The following NACC2 variants were observed in gnomAD, a reference collection of about 807,000 sequenced individuals.
NACC2 encodes the protein NACC family member 2, also known as nucleus accumbens-associated protein 2.
NACC2 carries 8 observed loss-of-function variants against 25.1 expected under a neutral mutation model. The observed-to-expected ratio is 0.32, with a 90% CI of 0.19 to 0.57. NACC2 has a LOEUF of 0.57. NACC2 is among the 20% of genes least tolerant of loss of function. The probability of loss-of-function intolerance (pLI) is 0.89; values close to 1 mark genes in which losing one functional copy is unlikely to be tolerated. For missense variants in NACC2, 644 were observed against 650.2 expected, an observed-to-expected ratio of 0.99 and a Z score of 0.10; for synonymous variants, 435 against 294.7, an observed-to-expected ratio of 1.48 and a Z score of -4.88.
At chr9:136,031,993 G>A (rs1158585016) in intron 2 of NACC2, among the ~76,000 whole-genome samples, 1 of 150,496 alleles carries the variant, frequency 6.6e-6, no homozygotes, top group African/African-American at 2.5e-5. Context: ...AAATGAATGG[G>A]GGGCAAGGGT....
chr9:136,082,396 C>T (rs1830333327), intron 1 of NACC2, among the ~76,000 whole-genome samples: 1 of 152,226 alleles, frequency 6.6e-6, no homozygotes, highest in Non-Finnish European at 1.5e-5. Context: ...GTTCACCTGC[C>T]TCCCCACCAT....
At chr9:136,047,174 C>T (rs1840742622) in intron 2 of NACC2, among the ~76,000 whole-genome samples, 1 of 152,172 alleles carries the variant, frequency 6.6e-6, no homozygotes, top group African/African-American at 2.4e-5. Flanking sequence ...AGCAGCCAGC[C>T]TCCTGCGTGG....
intron 2 of NACC2, among the ~76,000 whole-genome samples, chr9:136,039,755 C>A (rs1203214962): frequency 1.2e-4 from 18 of 152,248 alleles, no homozygotes; most frequent in Admixed American, 1.1e-3. Flanking sequence ...GAAACTTCTA[C>A]AAACTGGTCA....
Position 136,017,830 on chromosome 9 carries a change from C to T in NACC2, c.887-1401G>A, listed in dbSNP as rs575414821. ...AGGGAATCAATCCCACTGCCCTGGG[C>T]TCCTGCACACCCTACCGAGCGCAAG... On this transcript the variant is annotated intron_variant, in intron 2 of 5. Transcript: ENST00000277554. 2.0e-5 allele frequency among the ~76,000 whole-genome samples: 3 copies of T among 152,302 alleles called. No homozygotes were observed. The South Asian group carries it at 6.2e-4, about 32-fold the overall frequency.
chr9:136,026,343 CAAAAAAAAAAAAA>C (rs34514433), intron 2 of NACC2, among the ~76,000 whole-genome samples: 87 of 45,538 alleles, frequency 1.9e-3, no homozygotes, highest in Middle Eastern at 0.013. Context: ...AACTCCATCT[CAAAAAAAAAAAAA>C]AAAAAAAAAA....
rs1840793429 is a variant in NACC2, at chr9:136,049,973, GGCCGGCGGCAGC to G, written c.537_548del (p.Glu179_Ala183delinsAsp). 6.3e-6 allele frequency: 4 copies of G among 632,242 alleles called. No individual in the cohort carries two copies. The highest frequency in any genetic ancestry group is 5.4e-5 in the Admixed American group (2 of 37,316). 39.2% of individuals were successfully genotyped at this position (632,242 alleles called of 1,614,324 possible). Reference sequence around the variant, plus strand: ...GGCGCTTGGGGGCCAGGCCTGGGCCGGCCGGCGGCAGCTCCATGGCTTCATGCTTTACTCGGG... The same window carrying G: ...GGCGCTTGGGGGCCAGGCCTGGGCCGTCCATGGCTTCATGCTTTACTCGGG... On this transcript the variant is annotated inframe_deletion, in exon 2 of 6. Transcript: ENST00000277554.
In NACC2 at chr9:136,013,248, G is replaced by A. The variant is rs111782876; in HGVS notation, c.1206C>T (p.Ser402=). The A allele has an allele frequency of 4.8e-3, 7,735 of 1,612,014 alleles. 221 individuals are homozygous for A. In the African/African-American group the frequency reaches 0.071, roughly 15 times the overall value. The part of the protein sequence containing the change: ...SCGTGIRSST[S]DPSRKPLDSR... ...TGTCCAGCGGCTTCCGGCTGGGGTC[G>A]CTGGTGGACGAGCGGATGCCAGTCC... The change falls in exon 5 of 6, where the codon AGC becomes AGT. Residue 402 remains serine, a synonymous_variant. Coordinates refer to ENST00000277554, the MANE Select transcript of NACC2 (RefSeq NM_144653.5). This position sits in a 1 kb window ranked among gnomAD's most constrained non-coding sequence, Gnocchi z 6.6.
At position 136,013,515 on chromosome 9, in the gene NACC2, G is replaced by T. The variant is rs1192659321; in HGVS notation, c.1158-219C>A. 1.3e-5 allele frequency among the ~76,000 whole-genome samples: 2 copies of T among 152,236 alleles called. No homozygotes were observed. Among genetic ancestry groups the T allele is most frequent in the African/African-American group, 4.8e-5 (2 of 41,458 alleles). The stretch of plus-strand genomic sequence containing the variant: ...AGATGACCGGGTGATGGGGCTGCAA[G>T]GTGACCTGAGCCTTGTCCTCAGGGA... On this transcript the variant is annotated intron_variant, in intron 4 of 5. Coordinates refer to ENST00000277554, the MANE Select transcript of NACC2 (RefSeq NM_144653.5). The surrounding 1 kb of genome is among the most constrained non-coding windows in gnomAD (Gnocchi z 6.6).
At chr9:136,062,014 G>A (rs1841017362) in intron 1 of NACC2, among the ~76,000 whole-genome samples, 1 of 152,058 alleles carries the variant, frequency 6.6e-6, no homozygotes. Flanking sequence ...CAGCTACTCA[G>A]GAGGCTGAGG....
At chr9:136,057,105 G>T (rs549425149) in intron 1 of NACC2, among the ~76,000 whole-genome samples, 1 of 152,178 alleles carries the variant, frequency 6.6e-6, no homozygotes, top group Non-Finnish European at 1.5e-5. Flanking sequence ...CAGGCTCTGC[G>T]TCCGATAGGG....
At chr9:136,030,727 T>G (rs1175961012) in intron 2 of NACC2, among the ~76,000 whole-genome samples, 1 of 152,144 alleles carries the variant, frequency 6.6e-6, no homozygotes, top group Non-Finnish European at 1.5e-5. Context: ...AGTGGTGTCA[T>G]CTCAGCTCAC....
At chr9:136,094,525 G>A (rs1312407602) in intron 1 of NACC2, among the ~76,000 whole-genome samples, 1 of 152,086 alleles carries the variant, frequency 6.6e-6, no homozygotes, top group East Asian at 1.9e-4. Context: ...GAAGGAGCTG[G>A]GGCCCCCCGA....
At position 136,055,645 on chromosome 9, in the gene NACC2, A is replaced by AAAATT. The variant is rs369756002; in HGVS notation, c.-59-5070_-59-5066dup. On this transcript the variant is annotated intron_variant, in intron 1 of 5. Transcript: ENST00000277554. The surrounding 1 kb of genome is among the most constrained non-coding windows in gnomAD (Gnocchi z 4.9). The stretch of plus-strand genomic sequence containing the variant: ...ACCAGCAAGGGGAAGGGAGGCGAGA[A>AAAATT]AAATTAAATTAAATTAAATTATCTT... 6.6e-6 allele frequency among the ~76,000 whole-genome samples: 1 copy of AAAATT among 152,232 alleles called. No homozygotes were observed. Among genetic ancestry groups the AAAATT allele is most frequent in the African/African-American group, 2.4e-5 (1 of 41,464 alleles).
chr9:136,049,992 G>A lies in NACC2; in HGVS notation c.530C>T (p.Ala177Val), dbSNP rs1187682044. Residue 177 changes from alanine (A) to valine (V), a missense_variant, in exon 2 of 6, where the codon GCC (alanine) becomes GTC (valine). Transcript: ENST00000277554. Reference protein sequence around the residue: ...IPLLTRVKHEAMELPPAGPGL... With the variant: ...IPLLTRVKHEVMELPPAGPGL... ...TGGGCCGGCCGGCGGCAGCTCCATG[G>A]CTTCATGCTTTACTCGGGTCAGCAG... 20 of 666,670 alleles carry A rather than the reference G, an allele frequency of 3.0e-5. No homozygotes were observed. The highest frequency in any genetic ancestry group is 1.4e-4 in the Admixed American group (6 of 44,030). The allele number at this position is 666,670 out of a possible 1,614,324, so 41.3% of individuals were successfully genotyped here.
intron 2 of NACC2, among the ~76,000 whole-genome samples, chr9:136,046,259 C>A (rs2131158847): frequency 6.6e-6 from 1 of 152,338 alleles, no homozygotes; most frequent in Admixed American, 6.5e-5. Flanking sequence ...AGGCCCCTGA[C>A]AACGCCAGGC....
intron 1 of NACC2, among the ~76,000 whole-genome samples, chr9:136,053,493 C>A (rs1464631380): frequency 6.6e-6 from 1 of 152,184 alleles, no homozygotes; most frequent in Admixed American, 6.5e-5. Flanking sequence ...GCCCAGCTGT[C>A]ACCCTCCCCG....
At chr9:136,042,701 CACAG>C (rs1840654483) in intron 2 of NACC2, among the ~76,000 whole-genome samples, 2 of 151,412 alleles carry the variant, frequency 1.3e-5, no homozygotes, top group Admixed American at 1.3e-4. Context: ...CAGACACACA[CACAG>C]ACACAGAGAC....
rs186356809 is a variant in NACC2, at chr9:136,058,560, A to C, written c.-59-7980T>G. ...GATACACACGGACATAAACATGGGA[A>C]TGACAGACTCTAGGAACAACAGGAT... On this transcript the variant is annotated intron_variant, in intron 1 of 5. Transcript: ENST00000277554. Among the ~76,000 whole-genome samples the C allele has an allele frequency of 7.4e-4, 113 of 152,284 alleles. 1 individual carries two copies. The highest frequency in any genetic ancestry group is 2.6e-3 in the African/African-American group (109 of 41,566).
Position 136,050,408 on chromosome 9 carries a change from G to A in NACC2, c.114C>T (p.Gly38=), listed in dbSNP as rs1282983291. ...LYCDVSIVVK[G]QAFKAHRAVL... is the part of the protein sequence containing the mutation. ...CCGCCCGGTGGGCCTTGAAGGCCTG[G>A]CCCTTGACCACGATGGACACATCGC... is the stretch of plus-strand genomic sequence containing the variant. Residue 38 remains glycine, a synonymous_variant, in exon 2 of 6, where the codon GGC becomes GGT. Coordinates refer to ENST00000277554, the MANE Select transcript of NACC2 (RefSeq NM_144653.5). The A allele has an allele frequency of 7.9e-6, 6 of 763,234 alleles. No homozygotes were observed. The highest frequency in any genetic ancestry group is 1.4e-5 in the Non-Finnish European group (6 of 415,586). The allele number at this position is 763,234 out of a possible 1,614,324, so 47.3% of individuals were successfully genotyped here.
Sources: allele counts gnomAD v4.1 joint callset (sites outside exome capture counted in the v4.1 genomes callset), GRCh38; gene constraint gnomAD v4.1.1; non-coding constraint Gnocchi (gnomAD v3.1); transcripts MANE v1.5; gene names NCBI Gene and HGNC (gene_info 2026-07-23, HGNC 2026-07-21).